Variants in DPPA2 observed in about 807,000 individuals in gnomAD.
DPPA2 encodes the protein developmental pluripotency-associated protein 2.
A neutral mutation model predicts 36.2 loss-of-function variants in DPPA2; 26 were observed. The ratio of observed to expected loss-of-function variants is 0.72; its 90% CI spans 0.53 to 1.00. The LOEUF is 1.00. DPPA2 is among the 50% of genes least tolerant of loss of function. The pLI, the probability that DPPA2 is intolerant of heterozygous loss-of-function variation, is 0.00. For missense variants in DPPA2, 361 were observed against 365.1 expected (o/e 0.99, Z 0.09); for synonymous variants, 113 against 123.2 (o/e 0.92, Z 0.55).
chr3:109,296,907 CA>C (rs1350703257), intron 8 of DPPA2, among the ~76,000 whole-genome samples: 3 of 151,726 alleles, frequency 2.0e-5, no homozygotes, highest in Admixed American at 6.6e-5. Flanking sequence ...GGCAACATGG[CA>C]AAACCCCATC....
At chr3:109,309,690 G>A (rs958878014) in intron 3 of DPPA2, among the ~76,000 whole-genome samples, 6 of 150,750 alleles carry the variant, frequency 4.0e-5, no homozygotes, top group African/African-American at 9.8e-5. Context: ...ACTCCGTCTC[G>A]TCTCAAAAAA....
At chr3:109,310,296 T>A (rs1707678977) in intron 3 of DPPA2, among the ~76,000 whole-genome samples, 1 of 144,528 alleles carries the variant, frequency 6.9e-6, no homozygotes, top group Non-Finnish European at 1.5e-5. Context: ...CAGCTCCAGC[T>A]ACTCAGGAGG....
intron 8 of DPPA2, among the ~76,000 whole-genome samples, chr3:109,294,827 G>A (rs574911926): frequency 1.3e-5 from 2 of 152,248 alleles, no homozygotes; most frequent in East Asian, 3.9e-4. Flanking sequence ...TTCAAGAGCA[G>A]CCTGGCCAAT....
At chr3:109,294,047 G>C (rs531482298) in intron 8 of DPPA2, 43 bp from the exon 9 acceptor site, 1 of 152,282 alleles carries the variant, frequency 6.6e-6, no homozygotes, top group East Asian at 1.9e-4. Context: ...GCCGCTTTGA[G>C]CTATACGCAG....
intron 8 of DPPA2, among the ~76,000 whole-genome samples, chr3:109,298,860 A>G (rs79588603): frequency 0.043 from 6,518 of 151,576 alleles, 398 homozygotes; most frequent in African/African-American, 0.13. Context: ...CCTGAGCAAC[A>G]CGGTGAAACC....
intron 6 of DPPA2, 127 bp downstream of exon 6, chr3:109,307,905 G>A (rs904906564): frequency 1.6e-6 from 2 of 1,261,984 alleles, no homozygotes; most frequent in Non-Finnish European, 2.2e-6. Context: ...GATGTCCCAT[G>A]TGAATCCAAT....
chr3:109,312,663 C>G lies in DPPA2; in HGVS notation c.63G>C (p.Glu21Asp), dbSNP rs947651636. ...KNFLEGEVDD[E>D]ESVILTLVPV... The stretch of plus-strand genomic sequence containing the variant: ...GCACCAGTGTCAAAATCACACTTTC[C>G]TCATCATCTACTTCCCCCTCCAAGA... Residue 21 changes from glutamate to aspartate, a missense_variant, in exon 3 of 9, where the codon GAG (glutamate) becomes GAC (aspartate). Transcript: ENST00000478945. The G allele has an allele frequency of 1.9e-6, 3 of 1,613,832 alleles. No homozygotes were observed. Among genetic ancestry groups the G allele is most frequent in the Non-Finnish European group, 2.5e-6 (3 of 1,179,806 alleles).
chr3:109,305,464 CAA>C (rs1213410965), intron 6 of DPPA2, among the ~76,000 whole-genome samples: 1 of 151,986 alleles, frequency 6.6e-6, no homozygotes, highest in African/African-American at 2.4e-5. Context: ...AGGAAACAGA[CAA>C]GCGTCTGTTT....
chr3:109,310,872 G>A (rs916669580), intron 3 of DPPA2, among the ~76,000 whole-genome samples: 2 of 151,926 alleles, frequency 1.3e-5, no homozygotes, highest in Admixed American at 6.6e-5. Context: ...TGCGATCTCG[G>A]CTCACTGCAA....
At chr3:109,304,129 G>A (rs1707506222) in intron 7 of DPPA2, among the ~76,000 whole-genome samples, 1 of 152,064 alleles carries the variant, frequency 6.6e-6, no homozygotes, top group South Asian at 2.1e-4. Context: ...AATTAGCTGG[G>A]CGTGGTGGTG....
At chr3:109,315,170 AAC>A (rs1323421067) in intron 1 of DPPA2, among the ~76,000 whole-genome samples, 1 of 152,276 alleles carries the variant, frequency 6.6e-6, no homozygotes, top group Non-Finnish European at 1.5e-5. Context: ...AATGTTTTAG[AAC>A]AGTTATAAGA....
At chr3:109,314,275 C>T (rs1436285375) in intron 2 of DPPA2, among the ~76,000 whole-genome samples, 1 of 152,032 alleles carries the variant, frequency 6.6e-6, no homozygotes, top group Non-Finnish European at 1.5e-5. Flanking sequence ...GAAATATTTT[C>T]CTTTGGACTA....
At chr3:109,304,217 G>A (rs1559696538) in intron 7 of DPPA2, among the ~76,000 whole-genome samples, 2 of 151,644 alleles carry the variant, frequency 1.3e-5, no homozygotes, top group Non-Finnish European at 2.9e-5. Context: ...AGGTTGCAGT[G>A]AGCTGAGATC....
intron 7 of DPPA2, among the ~76,000 whole-genome samples, chr3:109,304,042 C>T (rs1404347537): frequency 1.3e-5 from 2 of 151,846 alleles, no homozygotes; most frequent in African/African-American, 4.8e-5. Context: ...GAGGCCGAGG[C>T]GGGCGGATCA....
chr3:109,307,590 C>G (rs905022199), intron 6 of DPPA2, among the ~76,000 whole-genome samples: 7 of 119,658 alleles, frequency 5.9e-5, no homozygotes, highest in African/African-American at 2.4e-4. Context: ...GCAACAAGAG[C>G]GAAACTCCAT....
chr3:109,304,535 G>T lies in DPPA2; in HGVS notation c.794C>A (p.Ala265Asp), dbSNP rs1361472409. Residue 265 changes from alanine to aspartate, a missense_variant, in exon 7 of 9, where the codon GCC becomes GAC. Coordinates refer to ENST00000478945, the MANE Select transcript of DPPA2 (RefSeq NM_138815.4). Reference protein sequence around the residue: ...RRMISLFLLPACIFPSPGIED... With the variant: ...RRMISLFLLPDCIFPSPGIED... ...TATGCCTGGGGATGGGAAAATGCAG[G>T]CAGGTAACAAGAAGAGAGAAATCAT... The T allele has an allele frequency of 1.2e-6, 2 of 1,613,952 alleles. No individual in the cohort carries two copies. The highest frequency in any genetic ancestry group is 1.7e-6 in the Non-Finnish European group (2 of 1,180,036).
intron 7 of DPPA2, among the ~76,000 whole-genome samples, chr3:109,301,922 T>C (rs541253538): frequency 6.6e-6 from 1 of 152,168 alleles, no homozygotes. Context: ...TGGCTTCTAC[T>C]GATCCTCTCA....
rs1707437142 is a variant in DPPA2 at position 109,300,406 on chromosome 3, G to A, written c.884C>T (p.Thr295Ile). The A allele has an allele frequency of 1.2e-6, 2 of 1,613,806 alleles. No individual in the cohort carries two copies. Among genetic ancestry groups the A allele is most frequent in the Non-Finnish European group, 1.7e-6 (2 of 1,179,808 alleles). Residue 295 changes from threonine to isoleucine, a missense_variant, in exon 8 of 9, where the codon ACA becomes ATA. Transcript: ENST00000478945. ...AACAGGTTGCTGCTACTTCTCTACT[G>A]TCATTAATCTTTTCATCATCTTCTT... ...RNKKMMKRLM[T>I]VEK
chr3:109,312,118 G>C (rs1002815619), intron 3 of DPPA2, among the ~76,000 whole-genome samples: 12 of 152,152 alleles, frequency 7.9e-5, no homozygotes, highest in African/African-American at 2.7e-4. Flanking sequence ...CACATCACTT[G>C]AGGTCAGGAG....
Sources: gnomAD v4.1 joint callset for allele counts (sites outside exome capture counted in the v4.1 genomes callset) on GRCh38, gnomAD v4.1.1 for gene constraint, MANE v1.5 for transcripts, NCBI Gene and HGNC (gene_info 2026-07-23, HGNC 2026-07-21) for gene names.